Variants in ZBTB5 observed in about 807,000 individuals in gnomAD.
The protein encoded by ZBTB5 is zinc finger and BTB domain-containing protein 5.
A neutral mutation model predicts 37.9 loss-of-function variants in ZBTB5; 15 were observed. The observed-to-expected ratio is 0.40, with a 90% CI of 0.26 to 0.61. The LOEUF (loss-of-function observed/expected upper bound fraction) is 0.61, where lower values mean the gene tolerates loss of function less well. Among genes scored for constraint, ZBTB5 ranks in the 20% least tolerant of loss-of-function variants. The probability of loss-of-function intolerance (pLI) is 0.47; values close to 1 mark genes in which losing one functional copy is unlikely to be tolerated. For synonymous variants in ZBTB5, 315 were observed against 312.4 expected (o/e 1.01, Z -0.09); for missense variants, 708 against 856.8 (o/e 0.83, Z 2.17).
In ZBTB5 at chr9:37,441,870, A is replaced by G; in HGVS notation, c.682T>C (p.Ser228Pro). Residue 228 changes from serine (S) to proline (P), a missense_variant, in exon 2 of 2, where the codon TCT becomes CCT. Transcript: ENST00000307750. ...TPENGPSGVHSREEFFSPDSL... is the reference protein window; with the variant it reads ...TPENGPSGVHPREEFFSPDSL... ...TCTGGTGAAAAGAACTCCTCCCGAG[A>G]ATGAACCCCTGAAGGCCCATTCTCC... is the stretch of plus-strand genomic sequence containing the variant. 6.2e-7 allele frequency: 1 copy of G among 1,614,144 alleles called. No individual in the cohort carries two copies. The highest frequency in any genetic ancestry group is 8.5e-7 in the Non-Finnish European group (1 of 1,180,028).
intron 1 of ZBTB5, among the ~76,000 whole-genome samples, chr9:37,464,799 C>G (rs895249900): frequency 1.3e-5 from 2 of 152,234 alleles, no homozygotes; most frequent in Non-Finnish European, 2.9e-5. Context: ...TATGGCCTTG[C>G]TCTGGTGAAA....
chr9:37,443,602 C>T (rs1823924688), intron 1 of ZBTB5, among the ~76,000 whole-genome samples: 1 of 152,088 alleles, frequency 6.6e-6, no homozygotes, highest in Non-Finnish European at 1.5e-5. Context: ...GGCAGGAGGC[C>T]TGGCTGAAAA....
Position 37,442,275 on chromosome 9 carries a change from C to T in ZBTB5, c.277G>A (p.Glu93Lys), listed in dbSNP as rs369892279. ...AATAAGACATCCATTACATTGCTCT[C>T]CCCCAGCATGAGGGTGGAGGTATAC... Reference protein sequence around the residue: ...MMYTSTLMLGESNVMDVLLAA... With the variant: ...MMYTSTLMLGKSNVMDVLLAA... Residue 93 changes from glutamate (E) to lysine (K), a missense_variant, in exon 2 of 2, where the codon GAG becomes AAG. By Grantham distance (56) the Glu-to-Lys change is moderately conservative. Around this residue, in one of 3 missense-constraint regions of ZBTB5, gnomAD observed 639 missense variants for 690.5 expected, o/e 0.93. Coordinates refer to ENST00000307750, the MANE Select transcript of ZBTB5 (RefSeq NM_014872.3). 6.2e-7 allele frequency: 1 copy of T among 1,614,178 alleles called. No homozygotes were observed. The highest frequency in any genetic ancestry group is 8.5e-7 in the Non-Finnish European group (1 of 1,180,026).
chr9:37,443,031 C>T (rs993841406), intron 1 of ZBTB5, among the ~76,000 whole-genome samples: 1 of 152,110 alleles, frequency 6.6e-6, no homozygotes, highest in African/African-American at 2.4e-5. Context: ...CGCATTTGCC[C>T]CGTGCTTTTT....
At chr9:37,459,863 A>C (rs1266348777) in intron 1 of ZBTB5, among the ~76,000 whole-genome samples, 3 of 151,586 alleles carry the variant, frequency 2.0e-5, no homozygotes, top group Non-Finnish European at 4.4e-5. Flanking sequence ...GGCGCCCGCC[A>C]CCACACCTGG....
chr9:37,452,997 A>C (rs1314086898), intron 1 of ZBTB5, among the ~76,000 whole-genome samples: 1 of 152,228 alleles, frequency 6.6e-6, no homozygotes, highest in Non-Finnish European at 1.5e-5. Flanking sequence ...ACCTGGTGAT[A>C]CTAAAAAATA....
intron 1 of ZBTB5, among the ~76,000 whole-genome samples, chr9:37,455,654 T>C (rs1824173746): frequency 6.6e-6 from 1 of 152,136 alleles, no homozygotes; most frequent in African/African-American, 2.4e-5. Context: ...GTTTTAGCAG[T>C]GGTGGCAGCC....
rs1824377130 is a variant in ZBTB5, at chr9:37,465,420, G to C, written c.-210C>G. The C allele has an allele frequency of 6.7e-6, 1 of 149,904 alleles. No homozygotes were observed. Among genetic ancestry groups the C allele is most frequent in the South Asian group, 2.2e-4 (1 of 4,636 alleles). 9.3% of individuals were successfully genotyped at this position (149,904 alleles called of 1,614,324 possible). A position where few individuals can be genotyped will look rare whatever the true frequency, so the allele number is the denominator to read the frequency against. On this transcript the variant is annotated 5_prime_UTR_variant, in exon 1 of 2. Transcript: ENST00000307750. ...TTCGCCGCAGCACTCTGAGAACACG[G>C]CGGCGGCGCCCGAGGATAAGCGGAA...
At chr9:37,454,166 A>G (rs1241510676) in intron 1 of ZBTB5, among the ~76,000 whole-genome samples, 1 of 152,226 alleles carries the variant, frequency 6.6e-6, no homozygotes, top group Non-Finnish European at 1.5e-5. Flanking sequence ...TAGAGGGAAT[A>G]TTTTAAAAAT....
chr9:37,457,658 G>A (rs1017224127), intron 1 of ZBTB5, among the ~76,000 whole-genome samples: 7 of 152,270 alleles, frequency 4.6e-5, no homozygotes, highest in Non-Finnish European at 8.8e-5. Flanking sequence ...ATATTACAAA[G>A]TGGAAGGCAC....
Position 37,438,946 on chromosome 9 carries a change from C to T in ZBTB5, c.*1572G>A, listed in dbSNP as rs1823794346. ...GAAATTATCCACACATGTGTAACTGCACACTCTAGATTAACAGGAGAGAAA... is the reference window on the plus strand; with the variant it reads ...GAAATTATCCACACATGTGTAACTGTACACTCTAGATTAACAGGAGAGAAA... On this transcript the variant is annotated 3_prime_UTR_variant, in exon 2 of 2. Coordinates refer to ENST00000307750, the MANE Select transcript of ZBTB5 (RefSeq NM_014872.3). The T allele has an allele frequency of 6.6e-6, 1 of 152,204 alleles. No homozygotes were observed. The highest frequency in any genetic ancestry group is 1.5e-5 in the Non-Finnish European group (1 of 68,042). 9.4% of individuals were successfully genotyped at this position (152,204 alleles called of 1,614,324 possible).
chr9:37,442,713 A>G (rs1311323619), intron 1 of ZBTB5, among the ~76,000 whole-genome samples, 158 bp from the exon 2 acceptor site: 2 of 152,222 alleles, frequency 1.3e-5, no homozygotes, highest in African/African-American at 2.4e-5. Context: ...AGCTTGTCAT[A>G]TAAGAAGCAA....
chr9:37,453,345 C>T (rs1020513496), intron 1 of ZBTB5, among the ~76,000 whole-genome samples: 32 of 151,580 alleles, frequency 2.1e-4, no homozygotes, highest in African/African-American at 7.3e-4. Flanking sequence ...GACCACCACA[C>T]GCAGCTTTTT....
At chr9:37,458,155 G>C (rs544160053) in intron 1 of ZBTB5, among the ~76,000 whole-genome samples, 1 of 152,196 alleles carries the variant, frequency 6.6e-6, no homozygotes, top group African/African-American at 2.4e-5. Context: ...ATTGAACTGG[G>C]AAGAAATTAA....
At chr9:37,443,350 C>T (rs1287914895) in intron 1 of ZBTB5, among the ~76,000 whole-genome samples, 1 of 150,662 alleles carries the variant, frequency 6.6e-6, no homozygotes, top group Non-Finnish European at 1.5e-5. Flanking sequence ...AAAAAAAACA[C>T]TAAAGTTTTT....
At position 37,440,542 on chromosome 9, in the gene ZBTB5, G is replaced by A; in HGVS notation, c.2010C>T (p.Ser670=). Residue 670 remains serine (S), a synonymous_variant, in exon 2 of 2, where the codon AGC becomes AGT. Transcript: ENST00000307750. The stretch of plus-strand genomic sequence containing the variant: ...GCTAGAGCAAAGTGCTGGGAAGATT[G>A]CTGCTCTGCCAGCGCAGGCAGGTAG... The part of the protein sequence containing the change: ...SKTTCLRWQS[S]NLPSTLL 1 of 1,614,228 alleles carries A rather than the reference G, an allele frequency of 6.2e-7. No homozygotes were observed. The highest frequency in any genetic ancestry group is 8.5e-7 in the Non-Finnish European group (1 of 1,180,030).
rs1021907093 is a variant in ZBTB5, at chr9:37,438,655, A to G, written c.*1863T>C. On this transcript the variant is annotated 3_prime_UTR_variant, in exon 2 of 2. Transcript: ENST00000307750. ...TCCCTGGGTCCAGGCAGGGCCTCTCATTTTCTCCAGGCTAACCCACTGTGT... is the reference window on the plus strand; with the variant it reads ...TCCCTGGGTCCAGGCAGGGCCTCTCGTTTTCTCCAGGCTAACCCACTGTGT... 1.3e-5 allele frequency: 2 copies of G among 152,226 alleles called. No individual in the cohort carries two copies. The highest frequency in any genetic ancestry group is 4.8e-5 in the African/African-American group (2 of 41,426). 9.4% of individuals were successfully genotyped at this position (152,226 alleles called of 1,614,324 possible). A position where few individuals can be genotyped will look rare whatever the true frequency, so the allele number is the denominator to read the frequency against.
chr9:37,463,045 AG>A (rs1270528584), intron 1 of ZBTB5, among the ~76,000 whole-genome samples: 2 of 152,230 alleles, frequency 1.3e-5, no homozygotes, highest in Non-Finnish European at 2.9e-5. Flanking sequence ...GAATTGTCAG[AG>A]TAACCTAATC....
chr9:37,456,868 A>G (rs543301614), intron 1 of ZBTB5, among the ~76,000 whole-genome samples: 2 of 152,252 alleles, frequency 1.3e-5, no homozygotes, highest in Admixed American at 1.3e-4. Flanking sequence ...AATCACAACT[A>G]TCTCTAAAAT....
Sources: allele counts gnomAD v4.1 joint callset (sites outside exome capture counted in the v4.1 genomes callset), GRCh38; gene constraint gnomAD v4.1.1; regional missense constraint gnomAD v4.1.1; transcripts MANE v1.5; gene names NCBI Gene and HGNC (gene_info 2026-07-23, HGNC 2026-07-21).